SLITRK4: variants seen among roughly 807,000 people sequenced by gnomAD.
SLITRK4 encodes the protein SLIT and NTRK-like protein 4.
A neutral mutation model predicts 34.7 loss-of-function variants in SLITRK4; 7 were observed. The ratio of observed to expected loss-of-function variants is 0.20; its 90% CI spans 0.11 to 0.38. SLITRK4 has a LOEUF of 0.38. SLITRK4 is among the 10% of genes least tolerant of loss of function. The probability of loss-of-function intolerance (pLI) is 1.00; values close to 1 mark genes in which losing one functional copy is unlikely to be tolerated. For missense variants in SLITRK4, 474 were observed against 607.0 expected (o/e 0.78, Z 2.30); for synonymous variants, 237 against 246.2 (o/e 0.96, Z 0.35).
chrX:143,631,604 A>G, intron 1 of SLITRK4, among the ~76,000 whole-genome samples: 1 of 109,383 alleles, frequency 9.1e-6, no homozygotes, highest in East Asian at 2.9e-4. Context: ...CTAGATAGAG[A>G]GGCTGAATTA....
At chrX:143,633,071 A>C (rs782204631) in intron 1 of SLITRK4, among the ~76,000 whole-genome samples, 1 of 111,092 alleles carries the variant, frequency 9.0e-6, no homozygotes, top group African/African-American at 3.3e-5. Flanking sequence ...AACACATCTG[A>C]AAATGCATAA....
Position 143,628,118 on chromosome X carries a change from T to TTTTTTTTTTTTTTTTTTTTTTTTTTTA in SLITRK4, c.*476_*477insTAAAAAAAAAAAAAAAAAAAAAAAAAA, listed in dbSNP as rs1930865737. ...TTTTTTTTTTTTTTTTTTTTTTTTT[T>TTTTTTTTTTTTTTTTTTTTTTTTTTTA]TTTTTTTTTACTTTTCAGATAATCT... On this transcript the variant is annotated 3_prime_UTR_variant, in exon 2 of 2. Coordinates refer to ENST00000356928, the MANE Select transcript of SLITRK4 (RefSeq NM_001184749.3). 1 of 174,966 alleles carries TTTTTTTTTTTTTTTTTTTTTTTTTTTA rather than the reference T, an allele frequency of 5.7e-6. No homozygotes were observed. The highest frequency in any genetic ancestry group is 9.9e-6 in the Non-Finnish European group (1 of 101,148). The allele number at this position is 174,966 out of a possible 1,213,427, so 14.4% of individuals were successfully genotyped here.
chrX:143,629,458 C>T lies in SLITRK4; in HGVS notation c.1651G>A (p.Asp551Asn), dbSNP rs782314792. The change falls in exon 2 of 2, where the codon GAC becomes AAC. Residue 551 changes from aspartate (D) to asparagine (N), a missense_variant. Coordinates refer to ENST00000356928, the MANE Select transcript of SLITRK4 (RefSeq NM_001184749.3). ...TTCAGTTCTTTCACAACAATCCCGTCGCTCAACTTCTCCACCCACAGCTTT... is the reference window on the plus strand; with the variant it reads ...TTCAGTTCTTTCACAACAATCCCGTTGCTCAACTTCTCCACCCACAGCTTT... ...ALKLWVEKLS[D>N]GIVVKELKCE... 3.7e-4 allele frequency: 442 copies of T among 1,209,723 alleles called. 2 individuals carry two copies. The South Asian group carries it at 7.3e-3, about 20-fold the overall frequency.
rs1556425368 is a variant in SLITRK4 at position 143,625,939 on chromosome X, G to C, written c.*2656C>G. ...AGTTGAACATTTATACCTTTTAGCAGAAGAGTATGAGATAGCCAATATGCT... is the reference window on the plus strand; with the variant it reads ...AGTTGAACATTTATACCTTTTAGCACAAGAGTATGAGATAGCCAATATGCT... On this transcript the variant is annotated 3_prime_UTR_variant, in exon 2 of 2. Transcript: ENST00000356928. 2 of 111,836 alleles carry C rather than the reference G, an allele frequency of 1.8e-5. No individual in the cohort carries two copies. The highest frequency in any genetic ancestry group is 5.6e-4 in the East Asian group (2 of 3,579). 9.2% of individuals were successfully genotyped at this position (111,836 alleles called of 1,213,427 possible).
In SLITRK4 at chrX:143,629,683, G is replaced by T; in HGVS notation, c.1426C>A (p.Gln476Lys). Residue 476 changes from glutamine to lysine, a missense_variant, in exon 2 of 2, where the codon CAG becomes AAG. By Grantham distance (53) the Gln-to-Lys change is moderately conservative. Transcript: ENST00000356928. Reference sequence around the variant, plus strand: ...AGATTATTGTTTAAGTACAGTAACTGCAAATTTGGCATGGAGTCAAAGGTG... The same window carrying T: ...AGATTATTGTTTAAGTACAGTAACTTCAAATTTGGCATGGAGTCAAAGGTG... ...AGTFDSMPNL[Q>K]LLYLNNNLLK... 1 of 1,211,333 alleles carries T rather than the reference G, an allele frequency of 8.3e-7. No individual in the cohort carries two copies. The highest frequency in any genetic ancestry group is 1.1e-6 in the Non-Finnish European group (1 of 895,280).
intron 1 of SLITRK4, among the ~76,000 whole-genome samples, chrX:143,634,058 G>A (rs1376830461): frequency 1.8e-5 from 2 of 112,537 alleles, no homozygotes; most frequent in African/African-American, 6.5e-5. Flanking sequence ...ACCCAGGCGT[G>A]CGGTGGGTGA....
rs924572699 is a variant in SLITRK4 at position 143,626,809 on chromosome X, T to C, written c.*1786A>G. 2 of 103,831 alleles carry C rather than the reference T, an allele frequency of 1.9e-5. No homozygotes were observed. The highest frequency in any genetic ancestry group is 3.5e-5 in the African/African-American group (1 of 28,837). 8.6% of individuals were successfully genotyped at this position (103,831 alleles called of 1,213,427 possible). A position where few individuals can be genotyped will look rare whatever the true frequency, so the allele number is the denominator to read the frequency against. On this transcript the variant is annotated 3_prime_UTR_variant, in exon 2 of 2. Coordinates refer to ENST00000356928, the MANE Select transcript of SLITRK4 (RefSeq NM_001184749.3). The stretch of plus-strand genomic sequence containing the variant: ...TGCACACACACACACTATATATATA[T>C]GTATACACACACACATACATATATG...
chrX:143,628,604 G>A lies in SLITRK4; in HGVS notation c.2505C>T (p.Asn835=). Residue 835 remains asparagine (N), a synonymous_variant, in exon 2 of 2, where the codon AAC becomes AAT. Coordinates refer to ENST00000356928, the MANE Select transcript of SLITRK4 (RefSeq NM_001184749.3). ...LQVLEEQTAL[N]KI is the part of the protein sequence containing the mutation. ...AGTAAGATTACATGACCTAGATCTT[G>A]TTCAAAGCTGTTTGCTCCTCAAGGA... 1 of 1,184,723 alleles carries A rather than the reference G, an allele frequency of 8.4e-7. No individual in the cohort carries two copies.
Position 143,628,131 on chromosome X carries a change from T to TTTTTTTTTTTTTTTTTTG in SLITRK4, c.*463_*464insCAAAAAAAAAAAAAAAAA. ...TTTTTTTTTTTTTTTTTTTTTTACT[T>TTTTTTTTTTTTTTTTTTG]TTCAGATAATCTTTACACGGAGTTG... On this transcript the variant is annotated 3_prime_UTR_variant, in exon 2 of 2. Transcript: ENST00000356928. 1 of 198,719 alleles carries TTTTTTTTTTTTTTTTTTG rather than the reference T, an allele frequency of 5.0e-6. No homozygotes were observed. Among genetic ancestry groups the TTTTTTTTTTTTTTTTTTG allele is most frequent in the Non-Finnish European group, 8.6e-6 (1 of 115,870 alleles). 16.4% of individuals were successfully genotyped at this position (198,719 alleles called of 1,213,427 possible).
intron 1 of SLITRK4, chrX:143,634,818 G>C (rs1931178423): frequency 9.1e-6 from 1 of 109,971 alleles, no homozygotes; most frequent in Non-Finnish European, 1.9e-5. Context: ...TGAGCTGAGC[G>C]GGGAAGAGGC....
Position 143,628,621 on chromosome X carries a change from C to T in SLITRK4, c.2488G>A (p.Glu830Lys), listed in dbSNP as rs782341157. 8.3e-7 allele frequency: 1 copy of T among 1,198,343 alleles called. No homozygotes were observed. Among genetic ancestry groups the T allele is most frequent in the South Asian group, 1.9e-5 (1 of 53,892 alleles). ...TAGATCTTGTTCAAAGCTGTTTGCT[C>T]CTCAAGGACCTGTAGGTAGTCAGGG... ...SSPDYLQVLE[E>K]QTALNKI The change falls in exon 2 of 2, where the codon GAG becomes AAG. Residue 830 changes from glutamate to lysine, a missense_variant. Glu to Lys is a moderately conservative substitution (Grantham distance 56). Around this residue, in one of 3 missense-constraint regions of SLITRK4, gnomAD observed 345 missense variants for 406.5 expected, o/e 0.85. Transcript: ENST00000356928.
chrX:143,625,462 A>G lies in SLITRK4; in HGVS notation c.*3133T>C, dbSNP rs1556425296. 1.8e-5 allele frequency: 2 copies of G among 111,414 alleles called. No individual in the cohort carries two copies. Among genetic ancestry groups the G allele is most frequent in the South Asian group, 7.4e-4 (2 of 2,689 alleles). 9.2% of individuals were successfully genotyped at this position (111,414 alleles called of 1,213,427 possible). On this transcript the variant is annotated 3_prime_UTR_variant, in exon 2 of 2. Transcript: ENST00000356928. The stretch of plus-strand genomic sequence containing the variant: ...TTATCTCAACCCCTTCACTGATTTC[A>G]TAAGATCTAAATTTGTTTGCAATCA...
chrX:143,630,009 T>A lies in SLITRK4; in HGVS notation c.1100A>T (p.Gln367Leu). 4 of 1,211,737 alleles carry A rather than the reference T, an allele frequency of 3.3e-6. No individual in the cohort carries two copies. The highest frequency in any genetic ancestry group is 4.5e-6 in the Non-Finnish European group (4 of 895,501). The change falls in exon 2 of 2, where the codon CAG becomes CTG. Residue 367 changes from glutamine to leucine, a missense_variant. By Grantham distance (113) the Gln-to-Leu change is moderately radical. Coordinates refer to ENST00000356928, the MANE Select transcript of SLITRK4 (RefSeq NM_001184749.3). ...LSVNCQEKNI[Q>L]SMSELIPKPL... ...TTTCGGTATCAGTTCAGACATAGAC[T>A]GTATATTTTTCTCTTGGCAGTTCAC...
At position 143,630,647 on chromosome X, in the gene SLITRK4, G is replaced by C. The variant is rs1556428013; in HGVS notation, c.462C>G (p.Leu154=). 4 of 1,211,280 alleles carry C rather than the reference G, an allele frequency of 3.3e-6. No individual in the cohort carries two copies. In the East Asian group the frequency reaches 8.9e-5, roughly 27 times the overall value. The change falls in exon 2 of 2, where the codon CTC becomes CTG. Residue 154 remains leucine, a synonymous_variant. Transcript: ENST00000356928. ...TAAGAATGAGAACTTTCAGTTTGTG[G>C]AGCTTATTGAAGGCTCCTCGTTCAA... ...KYIERGAFNK[L]HKLKVLILND...
Position 143,627,467 on chromosome X carries a change from G to GT in SLITRK4, c.*1127dup, listed in dbSNP as rs1930830703. On this transcript the variant is annotated 3_prime_UTR_variant, in exon 2 of 2. Transcript: ENST00000356928. ...ATAGCACAGAATTGACTGTTCTTTT[G>GT]TATTTTTTTCTTTTCTGTTTGTTTT... The GT allele has an allele frequency of 9.1e-6, 1 of 110,368 alleles. No homozygotes were observed. The highest frequency in any genetic ancestry group is 1.9e-5 in the Non-Finnish European group (1 of 52,680). 9.1% of individuals were successfully genotyped at this position (110,368 alleles called of 1,213,427 possible).
chrX:143,631,263 A>G, intron 1 of SLITRK4, 105 bp from the exon 2 acceptor site: 2 of 435,790 alleles, frequency 4.6e-6, no homozygotes, highest in Non-Finnish European at 7.4e-6. Flanking sequence ...CCAGAGTTGT[A>G]TTTGTAAGGC....
rs782497461 is a variant in SLITRK4, at chrX:143,628,091, C to CTTTTTTTTT, written c.*495_*503dup. The CTTTTTTTTT allele has an allele frequency of 3.3e-3, 243 of 73,046 alleles. 77 individuals are homozygous for CTTTTTTTTT. The highest frequency in any genetic ancestry group is 6.7e-3 in the African/African-American group (31 of 4,611). The allele number at this position is 73,046 out of a possible 1,213,427, so 6.0% of individuals were successfully genotyped here. A position where few individuals can be genotyped will look rare whatever the true frequency, so the allele number is the denominator to read the frequency against. On this transcript the variant is annotated 3_prime_UTR_variant, in exon 2 of 2. Transcript: ENST00000356928. ...CTATCGAGTGTTCTCTCTTTGCATG[C>CTTTTTTTTT]TTTTTTTTTTTTTTTTTTTTTTTTT...
rs190039065 is a variant in SLITRK4, at chrX:143,633,903, C to T, written c.-51+1832G>A. On this transcript the variant is annotated intron_variant, in intron 1 of 1. Transcript: ENST00000356928. ...CTCAGCCCCCTCCGCGTCAGGGGCCCAAGCAGCAGCCTGGCGGTCCGTGTA... is the reference window on the plus strand; with the variant it reads ...CTCAGCCCCCTCCGCGTCAGGGGCCTAAGCAGCAGCCTGGCGGTCCGTGTA... 3.7e-3 allele frequency among the ~76,000 whole-genome samples: 417 copies of T among 112,976 alleles called. 2 individuals are homozygous for T. The highest frequency in any genetic ancestry group is 0.012 in the African/African-American group (388 of 31,189).
In SLITRK4 at chrX:143,629,186, A is replaced by G; in HGVS notation, c.1923T>C (p.Phe641=). Residue 641 remains phenylalanine, a synonymous_variant, in exon 2 of 2, where the codon TTT becomes TTC. Coordinates refer to ENST00000356928, the MANE Select transcript of SLITRK4 (RefSeq NM_001184749.3). ...TVFVAFCLLV[F]VLRRNKKPTV... ...TGGGTTTCTTGTTGCGTCGCAGGAC[A>G]AAAACAAGAAGGCAAAAAGCAACAA... The G allele has an allele frequency of 8.3e-7, 1 of 1,211,610 alleles. No individual in the cohort carries two copies. Among genetic ancestry groups the G allele is most frequent in the East Asian group, 3.0e-5 (1 of 33,842 alleles).
Sources: gnomAD v4.1 joint callset for allele counts (sites outside exome capture counted in the v4.1 genomes callset) on GRCh38, gnomAD v4.1.1 for gene constraint, gnomAD v4.1.1 regional missense constraint, MANE v1.5 for transcripts, NCBI Gene and HGNC (gene_info 2026-07-23, HGNC 2026-07-21) for gene names.